SH3BP5: variants seen among roughly 807,000 people sequenced by gnomAD.
SH3BP5 encodes SH3 domain binding protein 5.
A neutral mutation model predicts 43.3 loss-of-function variants in SH3BP5; 22 were observed. That is an observed-to-expected ratio of 0.51 (90% CI 0.36 to 0.73). The LOEUF (loss-of-function observed/expected upper bound fraction) is 0.73, where lower values mean the gene tolerates loss of function less well. Among genes scored for constraint, SH3BP5 ranks in the 30% least tolerant of loss-of-function variants. SH3BP5 has a pLI of 0.00. For synonymous variants in SH3BP5, 255 were observed against 225.8 expected (o/e 1.13, Z -1.16); for missense variants, 529 against 586.9 (o/e 0.90, Z 1.02).
chr3:15,333,068 CAG>C (rs1698656847), upstream of SH3BP5: 1 of 985,270 alleles, frequency 1.0e-6, no homozygotes, highest in Non-Finnish European at 1.2e-6. Context: ...TACCGAAACA[CAG>C]AGGTGCGGCG....
chr3:15,300,010 C>A (rs1209623843), intron 3 of SH3BP5, among the ~76,000 whole-genome samples: 2 of 152,156 alleles, frequency 1.3e-5, no homozygotes, highest in Non-Finnish European at 2.9e-5. Context: ...GATGCTCCAT[C>A]ACCCCCCCAA....
At chr3:15,282,841 T>C (rs190020497) in intron 3 of SH3BP5, among the ~76,000 whole-genome samples, 3 of 152,174 alleles carry the variant, frequency 2.0e-5, no homozygotes, top group Non-Finnish European at 1.5e-5. Flanking sequence ...CGAAACCTGA[T>C]TGGCAAGAGG....
chr3:15,269,457 T>G (rs1696736090), intron 4 of SH3BP5, among the ~76,000 whole-genome samples: 1 of 152,138 alleles, frequency 6.6e-6, no homozygotes, highest in Non-Finnish European at 1.5e-5. Context: ...CCCCTGGGGA[T>G]GACCCAAACC....
rs115618858 is a variant in SH3BP5 at position 15,329,182 on chromosome 3, G to C, written c.201+1322C>G. ...AAAAAATTTTAATTAAATTCAAATA[G>C]CCATACGTTGCACATGGCTACCATA... is the stretch of plus-strand genomic sequence containing the variant. On this transcript the variant is annotated intron_variant, in intron 2 of 8. Coordinates refer to ENST00000383791, the MANE Select transcript of SH3BP5 (RefSeq NM_004844.5). Among the ~76,000 whole-genome samples, 502 of 152,112 alleles carry C rather than the reference G, an allele frequency of 3.3e-3. 4 individuals carry two copies. The highest frequency in any genetic ancestry group is 0.012 in the African/African-American group (482 of 41,490).
At chr3:15,275,146 C>G (rs1010446936) in intron 3 of SH3BP5, among the ~76,000 whole-genome samples, 4 of 152,182 alleles carry the variant, frequency 2.6e-5, no homozygotes, top group South Asian at 2.1e-4. Context: ...CTCTGGTGCA[C>G]TGAGGAAGCA....
chr3:15,276,613 C>T (rs1026395950), intron 3 of SH3BP5, among the ~76,000 whole-genome samples: 1 of 152,134 alleles, frequency 6.6e-6, no homozygotes, highest in African/African-American at 2.4e-5. Flanking sequence ...AAGCCTTACG[C>T]GGGTCCAGCT....
chr3:15,332,633 G>GCCCGCTCCGCCCCCGT (rs1553621264), upstream of SH3BP5: 3 of 1,171,316 alleles, frequency 2.6e-6, no homozygotes, highest in African/African-American at 4.8e-5. Flanking sequence ...TCAGCGCAGC[G>GCCCGCTCCGCCCCCGT]CCCGCTCCGC....
chr3:15,284,565 A>C (rs1432613986), intron 3 of SH3BP5, among the ~76,000 whole-genome samples: 2 of 152,130 alleles, frequency 1.3e-5, no homozygotes, highest in Non-Finnish European at 2.9e-5. Flanking sequence ...GATGGAGGGG[A>C]GTTATCTGTC....
intron 5 of SH3BP5, 52 bp from the exon 6 acceptor site, chr3:15,259,855 A>G: frequency 6.5e-7 from 1 of 1,542,454 alleles, no homozygotes; most frequent in Non-Finnish European, 9.0e-7. Context: ...CAGTGACCAC[A>G]GTCAACTCCA....
chr3:15,282,153 T>C (rs1697149439), intron 3 of SH3BP5, among the ~76,000 whole-genome samples: 1 of 152,222 alleles, frequency 6.6e-6, no homozygotes, highest in South Asian at 2.1e-4. Flanking sequence ...ATAACCATTG[T>C]CTTGGGTCTA....
intron 2 of SH3BP5, among the ~76,000 whole-genome samples, chr3:15,326,450 C>A (rs1330621754): frequency 6.6e-6 from 1 of 152,158 alleles, no homozygotes; most frequent in Non-Finnish European, 1.5e-5. Context: ...ACAAAAATCA[C>A]GAGAGGTGCC....
intron 5 of SH3BP5, 171 bp from the exon 6 acceptor site, chr3:15,259,974 TGACA>T (rs1046988009): frequency 3.5e-5 from 23 of 649,212 alleles, no homozygotes; most frequent in Non-Finnish European, 6.1e-5. Context: ...CTCTGGAGAC[TGACA>T]GACACCAGAT....
intron 3 of SH3BP5, among the ~76,000 whole-genome samples, chr3:15,280,625 C>T (rs568898948): frequency 6.6e-6 from 1 of 152,290 alleles, no homozygotes; most frequent in African/African-American, 2.4e-5. Context: ...CAGCCATCCC[C>T]GACATCACAC....
intron 1 of SH3BP5, chr3:15,330,942 C>A (rs1407995196): frequency 1.2e-5 from 2 of 160,124 alleles, no homozygotes; most frequent in Non-Finnish European, 2.7e-5. Flanking sequence ...AGACAATAAG[C>A]AAGGCCAAGC....
At chr3:15,266,681 T>C (rs1392382432) in intron 4 of SH3BP5, among the ~76,000 whole-genome samples, 1 of 152,258 alleles carries the variant, frequency 6.6e-6, no homozygotes, top group East Asian at 1.9e-4. Flanking sequence ...TTGGCAGCTC[T>C]GCCACAAGCT....
intron 2 of SH3BP5, among the ~76,000 whole-genome samples, chr3:15,328,965 G>T (rs562563973): frequency 1.3e-5 from 2 of 152,148 alleles, no homozygotes; most frequent in African/African-American, 4.8e-5. Context: ...ACTGAGAAAT[G>T]GAATTTTTAG....
intron 3 of SH3BP5, among the ~76,000 whole-genome samples, chr3:15,286,106 G>A (rs994247332): frequency 5.9e-5 from 9 of 152,258 alleles, no homozygotes; most frequent in Non-Finnish European, 1.2e-4. Context: ...CAGCCGGCGG[G>A]CCCTGGCCAG....
chr3:15,255,935 C>T lies in SH3BP5; in HGVS notation c.*151G>A, dbSNP rs1696177923. On this transcript the variant is annotated 3_prime_UTR_variant, in exon 9 of 9. Coordinates refer to ENST00000383791, the MANE Select transcript of SH3BP5 (RefSeq NM_004844.5). ...GCCCAAGAGCTCTTACCCAGAAGAACAATCTTTAGCCCTCAAGGTCACTGA... is the reference window on the plus strand; with the variant it reads ...GCCCAAGAGCTCTTACCCAGAAGAATAATCTTTAGCCCTCAAGGTCACTGA... The T allele has an allele frequency of 2.8e-6, 2 of 713,658 alleles. No individual in the cohort carries two copies. The highest frequency in any genetic ancestry group is 2.5e-5 in the Admixed American group (1 of 39,942). 44.2% of individuals were successfully genotyped at this position (713,658 alleles called of 1,614,324 possible).
intron 4 of SH3BP5, among the ~76,000 whole-genome samples, chr3:15,268,524 A>G (rs1028467210): frequency 2.0e-5 from 3 of 152,136 alleles, no homozygotes; most frequent in African/African-American, 7.2e-5. Context: ...GAATCTAGAC[A>G]GAGAATGCAG....
Sources: allele counts gnomAD v4.1 joint callset (sites outside exome capture counted in the v4.1 genomes callset), GRCh38; gene constraint gnomAD v4.1.1; transcripts MANE v1.5; gene names NCBI Gene and HGNC (gene_info 2026-07-23, HGNC 2026-07-21).